OGG1: variants seen among roughly 807,000 people sequenced by gnomAD.
OGG1 encodes 8-oxoguanine DNA glycosylase.
OGG1 carries 35 observed loss-of-function variants against 42.3 expected under a neutral mutation model. The ratio of observed to expected loss-of-function variants is 0.83; its 90% CI spans 0.63 to 1.10. OGG1 has a LOEUF of 1.10. Ranked by LOEUF, OGG1 falls within the 50% of genes least tolerant of loss-of-function variation. The pLI, the probability that OGG1 is intolerant of heterozygous loss-of-function variation, is 0.00. For synonymous variants in OGG1, 189 were observed against 179.0 expected (o/e 1.06, Z -0.44); for missense variants, 484 against 446.7 (o/e 1.08, Z -0.75).
intron 7 of OGG1, among the ~76,000 whole-genome samples, chr3:9,765,054 C>T (rs986279212): frequency 4.6e-5 from 7 of 151,626 alleles, no homozygotes; most frequent in African/African-American, 1.5e-4. Context: ...TGGCGAAACC[C>T]CATCTCTACT....
chr3:9,773,777 T>C (rs1343721682), intron 2 of OGG1, among the ~76,000 whole-genome samples: 1 of 152,080 alleles, frequency 6.6e-6, no homozygotes, highest in African/African-American at 2.4e-5. Context: ...ACTGCAGCCT[T>C]GACTTCCCAG....
intron 3 of OGG1, among the ~76,000 whole-genome samples, chr3:9,753,599 A>G (rs1299610317): frequency 6.6e-6 from 1 of 151,808 alleles, no homozygotes; most frequent in African/African-American, 2.4e-5. Flanking sequence ...GCTTGCAGTG[A>G]GCCGAGATCG....
chr3:9,754,386 A>G (rs760272219), intron 3 of OGG1, among the ~76,000 whole-genome samples: 3 of 152,174 alleles, frequency 2.0e-5, no homozygotes, highest in Non-Finnish European at 4.4e-5. Flanking sequence ...TTAGATCATG[A>G]GTGTGAACAC....
chr3:9,778,227 C>G (rs2078389142), intron 2 of OGG1, among the ~76,000 whole-genome samples: 1 of 152,174 alleles, frequency 6.6e-6, no homozygotes, highest in African/African-American at 2.4e-5. Flanking sequence ...GAGTTGGTTT[C>G]TCATCATTGC....
At chr3:9,764,270 T>G (rs2078032087) in intron 7 of OGG1, among the ~76,000 whole-genome samples, 1 of 152,202 alleles carries the variant, frequency 6.6e-6, no homozygotes, top group Non-Finnish European at 1.5e-5. Context: ...TAAATACTCA[T>G]AAGTGAAACA....
At chr3:9,788,407 G>A (rs371724110), downstream of OGG1, among the ~76,000 whole-genome samples, 20 of 151,942 alleles carry the variant, frequency 1.3e-4, 1 homozygote, top group South Asian at 1.2e-3. Context: ...CACCACGCCC[G>A]GCTAATTTTT....
Position 9,749,971 on chromosome 3 carries a change from C to A in OGG1, c.-316C>A, listed in dbSNP as rs1255032146. On this transcript the variant is annotated 5_prime_UTR_variant, in exon 1 of 7. Coordinates refer to ENST00000344629, the MANE Select transcript of OGG1 (RefSeq NM_002542.6). The stretch of plus-strand genomic sequence containing the variant: ...ACTTCCGGTGGTGCTGTGGTCTGCC[C>A]CTGGAGAACCCAGAAGAACACAGCT... 2.5e-6 allele frequency: 1 copy of A among 393,046 alleles called. No homozygotes were observed. The highest frequency in any genetic ancestry group is 4.7e-6 in the Non-Finnish European group (1 of 214,088). The allele number at this position is 393,046 out of a possible 1,614,324, so 24.3% of individuals were successfully genotyped here.
chr3:9,754,795 G>C lies in OGG1; in HGVS notation c.657G>C (p.Gln219His), dbSNP rs1413978538. The C allele has an allele frequency of 6.2e-7, 1 of 1,613,770 alleles. No individual in the cohort carries two copies. The highest frequency in any genetic ancestry group is 1.1e-5 in the South Asian group (1 of 90,908). Residue 219 changes from glutamine to histidine, a missense_variant, in exon 4 of 7, where the codon CAG (glutamine) becomes CAC (histidine). Gln to His is a conservative substitution (Grantham distance 24). Coordinates refer to ENST00000344629, the MANE Select transcript of OGG1 (RefSeq NM_002542.6). Reference protein sequence around the residue: ...SASARAILEEQGGLAWLQQLR... With the variant: ...SASARAILEEHGGLAWLQQLR... ...GTGCCCGAGCCATCCTGGAAGAACA[G>C]GGCGGGCTAGCCTGGCTGCAGCAGC...
chr3:9,760,616 A>T, downstream of OGG1: 1 of 1,609,016 alleles, frequency 6.2e-7, no homozygotes, highest in Non-Finnish European at 8.5e-7. Flanking sequence ...GGGAGGAACC[A>T]GAGGCAGGGC....
downstream of OGG1, chr3:9,757,986 C>G (rs924964400): frequency 6.4e-6 from 9 of 1,396,744 alleles, no homozygotes; most frequent in Non-Finnish European, 8.5e-6. This position sits in a 1 kb window ranked among gnomAD's most constrained non-coding sequence, Gnocchi z 4.5. Flanking sequence ...CCTAAAGCCC[C>G]CCAAAAACCT....
downstream of OGG1, chr3:9,762,276 G>A (rs1280010587): frequency 6.5e-6 from 1 of 153,738 alleles, no homozygotes; most frequent in Non-Finnish European, 1.4e-5. Context: ...CCGAGGAGTA[G>A]GATTTCGGGG....
At chr3:9,752,529 CAAAAA>C (rs144337359) in intron 3 of OGG1, among the ~76,000 whole-genome samples, 2,154 of 74,996 alleles carry the variant, frequency 0.029, 26 homozygotes, top group African/African-American at 0.075. Flanking sequence ...GACTCTGTCT[CAAAAA>C]AAAAAAAAAA....
At chr3:9,771,549 A>G (rs1165992814), downstream of OGG1, among the ~76,000 whole-genome samples, 1 of 152,228 alleles carries the variant, frequency 6.6e-6, no homozygotes, top group African/African-American at 2.4e-5. Context: ...GACTCAGTGT[A>G]AACTGAGACT....
At chr3:9,787,516 T>G (rs1033740620) in intron 3 of OGG1, 30 of 1,034,318 alleles carry the variant, frequency 2.9e-5, no homozygotes, top group Non-Finnish European at 3.7e-5. Context: ...CACACTCTAG[T>G]AAGGGAGACA....
At chr3:9,759,914 AC>A, downstream of OGG1, 1 of 1,090,116 alleles carries the variant, frequency 9.2e-7, no homozygotes, top group Admixed American at 2.4e-5. Context: ...AGGCCCTCCC[AC>A]CCCGTGCCTT....
At chr3:9,789,047 G>C (rs562029350), downstream of OGG1, among the ~76,000 whole-genome samples, 1 of 152,048 alleles carries the variant, frequency 6.6e-6, no homozygotes, top group African/African-American at 2.4e-5. Flanking sequence ...TGTTGCCCAG[G>C]CTGGTCTCAA....
downstream of OGG1, chr3:9,759,070 C>A: frequency 1.2e-6 from 1 of 849,952 alleles, no homozygotes; most frequent in African/African-American, 1.7e-5. Flanking sequence ...CTAAATTGGG[C>A]TCCTGCCTCT....
chr3:9,750,861 T>G, intron 1 of OGG1, 84 bp from the exon 2 acceptor site: 23 of 1,497,414 alleles, frequency 1.5e-5, no homozygotes, highest in Non-Finnish European at 2.0e-5. Flanking sequence ...GTTTCGTACA[T>G]GGAGCTATTG....
At chr3:9,761,786 C>G (rs895671081), downstream of OGG1, 2 of 1,612,524 alleles carry the variant, frequency 1.2e-6, no homozygotes, top group Non-Finnish European at 1.7e-6. Context: ...AGAGAAGGGG[C>G]AATCAGAGAT....
Sources: allele counts gnomAD v4.1 joint callset (sites outside exome capture counted in the v4.1 genomes callset), GRCh38; gene constraint gnomAD v4.1.1; non-coding constraint Gnocchi (gnomAD v3.1); transcripts MANE v1.5; gene names NCBI Gene and HGNC (gene_info 2026-07-23, HGNC 2026-07-21).